PCLO: variants seen among roughly 807,000 people sequenced by gnomAD.
The protein encoded by PCLO is piccolo presynaptic cytomatrix protein.
In PCLO, 82 loss-of-function variants were observed where a neutral mutation model predicts 427.5. The ratio of observed to expected loss-of-function variants is 0.19; its 90% CI spans 0.16 to 0.23. PCLO has a LOEUF of 0.23. Ranked by LOEUF, PCLO falls within the 10% of genes least tolerant of loss-of-function variation. The pLI is 1.00. For missense variants in PCLO, 6,239 were observed against 6,115.9 expected (o/e 1.02, Z -0.67); for synonymous variants, 2,357 against 2,155.4 (o/e 1.09, Z -2.59).
intron 15 of PCLO, 97 bp from the exon 16 acceptor site, chr7:82,835,790 G>C (rs1792218541): frequency 1.1e-6 from 1 of 920,108 alleles, no homozygotes; most frequent in Admixed American, 2.2e-5. Context: ...AAGAAAACAT[G>C]AAAATAATAA....
intron 12 of PCLO, among the ~76,000 whole-genome samples, chr7:82,846,342 G>A (rs534040163): frequency 6.6e-6 from 1 of 152,114 alleles, no homozygotes; most frequent in East Asian, 1.9e-4. Context: ...TGTTTAAGGG[G>A]ACTAACATGC....
chr7:82,891,945 C>G (rs988016664), intron 9 of PCLO, among the ~76,000 whole-genome samples: 3 of 151,926 alleles, frequency 2.0e-5, no homozygotes, highest in African/African-American at 7.2e-5. Context: ...AAGAACATTC[C>G]ATGATTCCAT....
intron 1 of PCLO, among the ~76,000 whole-genome samples, chr7:83,160,468 A>T (rs1792406467): frequency 6.6e-6 from 1 of 152,156 alleles, no homozygotes; most frequent in Admixed American, 6.5e-5. Context: ...TATAGGGAAA[A>T]TAACTTTTAA....
chr7:82,820,649 C>T, intron 20 of PCLO: 1 of 1,230,674 alleles, frequency 8.1e-7, no homozygotes, highest in Non-Finnish European at 1.0e-6. Context: ...AACAATTTTT[C>T]CTTTACTTTC....
At chr7:82,800,078 T>C (rs1164591321) in intron 22 of PCLO, among the ~76,000 whole-genome samples, 3 of 152,020 alleles carry the variant, frequency 2.0e-5, no homozygotes, top group Non-Finnish European at 2.9e-5. Flanking sequence ...ATACGGTAGG[T>C]AAAAAGATTG....
At chr7:83,124,139 T>C (rs1174211622) in intron 3 of PCLO, among the ~76,000 whole-genome samples, 6 of 149,922 alleles carry the variant, frequency 4.0e-5, no homozygotes, top group Admixed American at 4.0e-4. Flanking sequence ...TGAAACCCTG[T>C]CTCTACAAAA....
chr7:82,892,759 G>C (rs184164658), intron 9 of PCLO, among the ~76,000 whole-genome samples: 1 of 151,558 alleles, frequency 6.6e-6, no homozygotes, highest in Non-Finnish European at 1.5e-5. Context: ...AACAAGTGGG[G>C]GAAGGATATG....
rs552400969 is a variant in PCLO at position 82,826,671 on chromosome 7, C to G, written c.14344-11G>C. 2 of 1,531,122 alleles carry G rather than the reference C, an allele frequency of 1.3e-6. No homozygotes were observed. The highest frequency in any genetic ancestry group is 1.8e-6 in the Non-Finnish European group (2 of 1,116,996). The allele number at this position is 1,531,122 out of a possible 1,614,324, so 94.8% of individuals were successfully genotyped here. On this transcript the variant is annotated splice_polypyrimidine_tract_variant and intron_variant, in intron 17 of 24. Transcript: ENST00000333891. ...TGTTTTCTTCTTGAGCTATATAGTT[C>G]AAATAGAAATCTAATTAAACCTATC...
chr7:82,952,148 C>G lies in PCLO; in HGVS notation c.8805G>C (p.Gly2935=). Residue 2935 remains glycine, a synonymous_variant, in exon 5 of 25, where the codon GGG becomes GGC. Transcript: ENST00000333891. The part of the protein sequence containing the change: ...EDEKPVDLTA[G]RRAVCCDVVY... Reference sequence around the variant, plus strand: ...CCACATCACAGCACACAGCTCTTCTCCCTGCGGTTAAATCAACGGGTTTTT... The same window carrying G: ...CCACATCACAGCACACAGCTCTTCTGCCTGCGGTTAAATCAACGGGTTTTT... 1 of 1,605,518 alleles carries G rather than the reference C, an allele frequency of 6.2e-7. No homozygotes were observed. Among genetic ancestry groups the G allele is most frequent in the Non-Finnish European group, 8.5e-7 (1 of 1,178,040 alleles).
intron 3 of PCLO, among the ~76,000 whole-genome samples, chr7:83,053,454 A>G (rs1321170427): frequency 6.6e-6 from 1 of 151,994 alleles, no homozygotes; most frequent in African/African-American, 2.4e-5. Context: ...TGCCCATCAA[A>G]TATCTGTGAA....
intron 6 of PCLO, among the ~76,000 whole-genome samples, chr7:82,943,175 T>A (rs1795123386): frequency 6.6e-6 from 1 of 152,164 alleles, no homozygotes; most frequent in African/African-American, 2.4e-5. Flanking sequence ...CAAAGCATAT[T>A]CTTGTAAAAA....
At chr7:82,829,840 C>T (rs143727725) in intron 16 of PCLO, among the ~76,000 whole-genome samples, 11 of 151,678 alleles carry the variant, frequency 7.3e-5, no homozygotes, top group South Asian at 2.1e-4. Flanking sequence ...AATAGAAGAA[C>T]GAATAAATAC....
intron 7 of PCLO, among the ~76,000 whole-genome samples, chr7:82,913,282 G>A (rs563346056): frequency 6.6e-6 from 1 of 151,902 alleles, no homozygotes; most frequent in South Asian, 2.1e-4. Context: ...GATTATTTTA[G>A]TTCAATAAAA....
intron 20 of PCLO, among the ~76,000 whole-genome samples, chr7:82,814,201 C>A (rs1791629616): frequency 6.6e-6 from 1 of 151,106 alleles, no homozygotes; most frequent in East Asian, 1.9e-4. Context: ...ATATCATTCC[C>A]AATAAAATAA....
intron 22 of PCLO, among the ~76,000 whole-genome samples, chr7:82,783,214 C>T (rs1790911071): frequency 6.6e-6 from 1 of 152,178 alleles, no homozygotes; most frequent in Admixed American, 6.5e-5. Flanking sequence ...TTAGTATGGC[C>T]ACCAGTAAAC....
At chr7:83,113,630 T>C (rs1791059941) in intron 3 of PCLO, among the ~76,000 whole-genome samples, 1 of 152,210 alleles carries the variant, frequency 6.6e-6, no homozygotes, top group Admixed American at 6.5e-5. Context: ...AATTCACTCA[T>C]GCTACAAAGA....
At chr7:82,870,197 A>T (rs1043496620) in intron 10 of PCLO, among the ~76,000 whole-genome samples, 29 of 152,074 alleles carry the variant, frequency 1.9e-4, no homozygotes, top group African/African-American at 7.0e-4. Flanking sequence ...AATATACTAC[A>T]ATGGTATACT....
intron 3 of PCLO, among the ~76,000 whole-genome samples, chr7:83,064,016 T>C (rs1789603414): frequency 6.6e-6 from 1 of 152,034 alleles, no homozygotes; most frequent in Non-Finnish European, 1.5e-5. Context: ...TGAAAACCTA[T>C]TAAGGCCCTT....
chr7:82,900,407 T>G (rs1319258486), intron 9 of PCLO, among the ~76,000 whole-genome samples: 1 of 151,722 alleles, frequency 6.6e-6, no homozygotes, highest in Non-Finnish European at 1.5e-5. Flanking sequence ...ATAAATTAAA[T>G]ATATATTTGA....
Sources: gnomAD v4.1 joint callset for allele counts (sites outside exome capture counted in the v4.1 genomes callset) on GRCh38, gnomAD v4.1.1 for gene constraint, MANE v1.5 for transcripts, NCBI Gene and HGNC (gene_info 2026-07-23, HGNC 2026-07-21) for gene names.